The following FBXL17 variants were observed in gnomAD, a reference collection of about 807,000 sequenced individuals.
The protein encoded by FBXL17 is F-box/LRR-repeat protein 17.
In FBXL17, 22 loss-of-function variants were observed where a neutral mutation model predicts 66.2. The observed-to-expected ratio is 0.33, with a 90% CI of 0.24 to 0.47. FBXL17 has a LOEUF of 0.47. Ranked by LOEUF, FBXL17 falls within the 20% of genes least tolerant of loss-of-function variation. The pLI is 1.00. For synonymous variants in FBXL17, 474 were observed against 400.5 expected (o/e 1.18, Z -2.19); for missense variants, 878 against 948.2 (o/e 0.93, Z 0.97).
At chr5:107,956,915 T>A (rs1370249507) in intron 7 of FBXL17, among the ~76,000 whole-genome samples, 5 of 152,238 alleles carry the variant, frequency 3.3e-5, no homozygotes, top group East Asian at 1.9e-4. Context: ...TGCTTCAAAA[T>A]AAAGACAAAT....
intron 6 of FBXL17, among the ~76,000 whole-genome samples, chr5:108,160,038 A>T (rs1233461736): frequency 2.0e-5 from 3 of 152,152 alleles, no homozygotes; most frequent in Non-Finnish European, 4.4e-5. Context: ...AAAAACCTTA[A>T]TCTCAACAGA....
chr5:108,346,332 T>TA (rs946979202), intron 4 of FBXL17, among the ~76,000 whole-genome samples: 78 of 150,732 alleles, frequency 5.2e-4, no homozygotes, highest in African/African-American at 1.8e-3. Context: ...AAATGTTAAA[T>TA]AAAAAAAAAT....
intron 4 of FBXL17, among the ~76,000 whole-genome samples, chr5:108,341,236 T>A (rs1359186354): frequency 1.3e-5 from 2 of 152,188 alleles, no homozygotes; most frequent in African/African-American, 4.8e-5. Flanking sequence ...TGTAGACTCA[T>A]ATATACTTTG....
intron 7 of FBXL17, among the ~76,000 whole-genome samples, chr5:107,961,147 G>C (rs539326608): frequency 7.2e-5 from 11 of 152,086 alleles, no homozygotes; most frequent in Non-Finnish European, 1.5e-5. Flanking sequence ...CACAGACATG[G>C]GAACTTTAGG....
intron 6 of FBXL17, among the ~76,000 whole-genome samples, chr5:108,146,567 A>T (rs1225382566): frequency 3.3e-5 from 5 of 152,162 alleles, no homozygotes; most frequent in Admixed American, 3.3e-4. Context: ...AGTTTTATAA[A>T]CCCTACCCAG....
intron 6 of FBXL17, among the ~76,000 whole-genome samples, chr5:108,056,082 A>G (rs1253434223): frequency 6.6e-6 from 1 of 152,232 alleles, no homozygotes; most frequent in Non-Finnish European, 1.5e-5. Flanking sequence ...AACATGACTG[A>G]TTATCCAACA....
intron 6 of FBXL17, among the ~76,000 whole-genome samples, chr5:108,049,291 C>T (rs922684883): frequency 2.0e-5 from 3 of 151,982 alleles, no homozygotes; most frequent in African/African-American, 7.2e-5. Flanking sequence ...TACAGGCACC[C>T]ACCACCACAC....
intron 6 of FBXL17, among the ~76,000 whole-genome samples, chr5:108,072,632 C>T (rs759276048): frequency 5.3e-5 from 8 of 152,116 alleles, no homozygotes; most frequent in African/African-American, 9.7e-5. Context: ...GGCGTGAACC[C>T]GGGAGGCGGA....
At chr5:108,040,181 C>T (rs955623600) in intron 6 of FBXL17, among the ~76,000 whole-genome samples, 13 of 152,156 alleles carry the variant, frequency 8.5e-5, no homozygotes, top group East Asian at 3.9e-4. Context: ...GTCACTAACA[C>T]GAGCCTCTAA....
At chr5:108,139,715 T>C (rs767390853) in intron 6 of FBXL17, among the ~76,000 whole-genome samples, 30 of 152,322 alleles carry the variant, frequency 2.0e-4, no homozygotes, top group South Asian at 6.2e-4. Flanking sequence ...TCTCAGCTTC[T>C]AACACTCCAC....
At chr5:107,909,279 C>A (rs1291681554) in intron 7 of FBXL17, among the ~76,000 whole-genome samples, 1 of 152,130 alleles carries the variant, frequency 6.6e-6, no homozygotes, top group Non-Finnish European at 1.5e-5. Context: ...GAAAGAGCCA[C>A]AATTTGTGCA....
chr5:108,197,997 T>C (rs1753746141), intron 5 of FBXL17, among the ~76,000 whole-genome samples: 1 of 152,132 alleles, frequency 6.6e-6, no homozygotes. Flanking sequence ...TGAGAAACTT[T>C]CGTCTTTTGA....
chr5:107,941,026 CA>C (rs1249823468), intron 7 of FBXL17, among the ~76,000 whole-genome samples: 2 of 151,780 alleles, frequency 1.3e-5, no homozygotes, highest in Non-Finnish European at 2.9e-5. Context: ...ATCTGCCATA[CA>C]AACAGCAAAA....
At chr5:107,892,184 G>T (rs1749217014) in intron 7 of FBXL17, among the ~76,000 whole-genome samples, 1 of 152,072 alleles carries the variant, frequency 6.6e-6, no homozygotes, top group African/African-American at 2.4e-5. Flanking sequence ...AATGTGTATT[G>T]CTTTCACACC....
At chr5:108,176,020 T>A (rs1247676233) in intron 6 of FBXL17, among the ~76,000 whole-genome samples, 1 of 152,172 alleles carries the variant, frequency 6.6e-6, no homozygotes, top group Non-Finnish European at 1.5e-5. Flanking sequence ...TAATTGCCAC[T>A]TTTGGTTTGG....
At chr5:108,306,468 C>T (rs1031333192) in intron 4 of FBXL17, among the ~76,000 whole-genome samples, 3 of 152,092 alleles carry the variant, frequency 2.0e-5, no homozygotes, top group African/African-American at 7.2e-5. Context: ...AATATACTAG[C>T]TGTCATCTCC....
intron 4 of FBXL17, among the ~76,000 whole-genome samples, chr5:108,291,421 C>A (rs1310420510): frequency 6.6e-6 from 1 of 152,162 alleles, no homozygotes; most frequent in Non-Finnish European, 1.5e-5. Flanking sequence ...CAGCTGGTAG[C>A]AGAGAATTGA....
chr5:108,298,706 T>C, intron 4 of FBXL17: 3 of 771,094 alleles, frequency 3.9e-6, no homozygotes, highest in Non-Finnish European at 4.7e-6. Flanking sequence ...AATAAAAGTA[T>C]CAAAGTCTTA....
At chr5:108,152,689 A>G (rs1399556606) in intron 6 of FBXL17, among the ~76,000 whole-genome samples, 2 of 152,218 alleles carry the variant, frequency 1.3e-5, no homozygotes, top group African/African-American at 2.4e-5. Context: ...AGAAAAAAAT[A>G]TCCTGGAATT....
Sources: gnomAD v4.1 joint callset for allele counts (sites outside exome capture counted in the v4.1 genomes callset) on GRCh38, gnomAD v4.1.1 for gene constraint, MANE v1.5 for transcripts, NCBI Gene and HGNC (gene_info 2026-07-23, HGNC 2026-07-21) for gene names.